Variants in RNF150 observed in about 807,000 individuals in gnomAD.
The protein encoded by RNF150 is ring finger protein 150.
In RNF150, 24 loss-of-function variants were observed where a neutral mutation model predicts 39.3. The ratio of observed to expected loss-of-function variants is 0.61; its 90% CI spans 0.44 to 0.86. The LOEUF (loss-of-function observed/expected upper bound fraction) is 0.86. RNF150 is among the 40% of genes least tolerant of loss of function. The probability of loss-of-function intolerance (pLI) is 0.00; values close to 1 mark genes in which losing one functional copy is unlikely to be tolerated. For synonymous variants in RNF150, 255 were observed against 227.3 expected (o/e 1.12, Z -1.10); for missense variants, 502 against 587.8 (o/e 0.85, Z 1.51).
Position 141,116,517 on chromosome 4 carries a change from C to T in RNF150, c.484+15808G>A, listed in dbSNP as rs138655075. Among the ~76,000 whole-genome samples, 1,099 of 152,202 alleles carry T rather than the reference C, an allele frequency of 7.2e-3. 16 individuals are homozygous for T. The highest frequency in any genetic ancestry group is 0.025 in the African/African-American group (1,018 of 41,520). ...AGATGCTGGAGAGGATGTGGAGAAA[C>T]AGGAATGCTTTTACACTGTTGGTGG... On this transcript the variant is annotated intron_variant, in intron 1 of 6. Coordinates refer to ENST00000515673, the MANE Select transcript of RNF150 (RefSeq NM_020724.2).
At chr4:141,121,411 C>G (rs990508021) in intron 1 of RNF150, among the ~76,000 whole-genome samples, 1 of 152,198 alleles carries the variant, frequency 6.6e-6, no homozygotes, top group African/African-American at 2.4e-5. Flanking sequence ...GCCTCCCAAA[C>G]TGGGTAGTAA....
intron 1 of RNF150, among the ~76,000 whole-genome samples, chr4:141,156,675 C>T (rs967645188): frequency 6.8e-6 from 1 of 148,042 alleles, no homozygotes; most frequent in Admixed American, 6.9e-5. Flanking sequence ...GGGCAGATCG[C>T]CTGAGATCAG....
chr4:140,962,958 T>C (rs909497740), intron 2 of RNF150, among the ~76,000 whole-genome samples: 6 of 151,898 alleles, frequency 4.0e-5, no homozygotes, highest in African/African-American at 1.4e-4. Flanking sequence ...AAAACATACA[T>C]GGATATGTTT....
intron 1 of RNF150, among the ~76,000 whole-genome samples, chr4:141,140,025 A>G (rs1160308779): frequency 3.3e-5 from 5 of 152,122 alleles, no homozygotes; most frequent in East Asian, 1.9e-4. Context: ...TTTTCTTAGC[A>G]TTGGTGGTGG....
At chr4:140,928,829 A>C (rs974134230) in intron 4 of RNF150, among the ~76,000 whole-genome samples, 3 of 152,154 alleles carry the variant, frequency 2.0e-5, no homozygotes, top group African/African-American at 7.2e-5. Flanking sequence ...TACAGGCGTG[A>C]GCCACCGCGC....
At chr4:141,098,366 C>A (rs1302128959) in intron 1 of RNF150, among the ~76,000 whole-genome samples, 4 of 152,210 alleles carry the variant, frequency 2.6e-5, no homozygotes, top group Non-Finnish European at 5.9e-5. Flanking sequence ...TCAGACATCC[C>A]TGGGACAGTC....
intron 6 of RNF150, among the ~76,000 whole-genome samples, chr4:140,888,488 T>G (rs1384682801): frequency 6.6e-6 from 1 of 152,226 alleles, no homozygotes; most frequent in Non-Finnish European, 1.5e-5. Flanking sequence ...TTTCAGCTCT[T>G]TGTGTTTAGA....
At chr4:141,153,017 T>C (rs528821358) in intron 1 of RNF150, among the ~76,000 whole-genome samples, 2 of 152,314 alleles carry the variant, frequency 1.3e-5, no homozygotes, top group African/African-American at 4.8e-5. Context: ...CAGAAGGGTA[T>C]TCCCAGGAAT....
chr4:140,892,781 CT>C (rs2099657291), intron 6 of RNF150, among the ~76,000 whole-genome samples: 1 of 151,666 alleles, frequency 6.6e-6, no homozygotes, highest in Admixed American at 6.5e-5. Flanking sequence ...TCTGTGGAGG[CT>C]GGTGTAGTGT....
chr4:141,199,207 A>G (rs1293849011), intron 1 of RNF150, among the ~76,000 whole-genome samples: 1 of 152,140 alleles, frequency 6.6e-6, no homozygotes, highest in Non-Finnish European at 1.5e-5. Flanking sequence ...AAAAAACACA[A>G]ACCAACAATA....
intron 5 of RNF150, among the ~76,000 whole-genome samples, chr4:140,921,156 T>C (rs1731115475): frequency 2.3e-5 from 3 of 130,454 alleles, no homozygotes; most frequent in Non-Finnish European, 3.2e-5. Flanking sequence ...ATTGTGCACA[T>C]GTACCCTAAA....
chr4:140,931,035 G>A (rs17006669), intron 4 of RNF150, among the ~76,000 whole-genome samples: 10,514 of 151,926 alleles, frequency 0.069, 422 homozygotes, highest in African/African-American at 0.1. Flanking sequence ...TATAGGTATG[G>A]GCTTCATGAG....
chr4:140,999,942 AAAGAAGAAGAAGAAGAAGAAGAAG>A (rs879391696), intron 1 of RNF150, among the ~76,000 whole-genome samples: 1 of 34,526 alleles, frequency 2.9e-5, no homozygotes, highest in African/African-American at 8.5e-5. Context: ...GGTCTCAAAA[AAAGAAGAAGAAGAAGAAGAAGAAG>A]AAGAAGAAGA....
chr4:140,871,254 C>T (rs1393646641), intron 6 of RNF150, among the ~76,000 whole-genome samples: 3 of 151,944 alleles, frequency 2.0e-5, no homozygotes, highest in Non-Finnish European at 4.4e-5. Flanking sequence ...TAGTACAGGG[C>T]CTCCTACATA....
chr4:140,875,162 C>CTTTTTTTTT (rs1560943059), intron 6 of RNF150, among the ~76,000 whole-genome samples: 1 of 141,616 alleles, frequency 7.1e-6, no homozygotes, highest in Non-Finnish European at 1.5e-5. Flanking sequence ...ACAATCATTA[C>CTTTTTTTTT]GTTTTTTTTT....
At chr4:141,010,558 ATCT>A (rs1054767179) in intron 1 of RNF150, among the ~76,000 whole-genome samples, 1 of 152,094 alleles carries the variant, frequency 6.6e-6, no homozygotes, top group African/African-American at 2.4e-5. Flanking sequence ...AATACTTTCT[ATCT>A]TCTTCTCTTC....
intron 1 of RNF150, among the ~76,000 whole-genome samples, chr4:141,096,407 A>C (rs1357383958): frequency 6.6e-6 from 1 of 151,932 alleles, no homozygotes; most frequent in Non-Finnish European, 1.5e-5. Flanking sequence ...CATGTTGGCC[A>C]GGCTGGTCTC....
At chr4:140,885,120 T>C (rs970493893) in intron 6 of RNF150, among the ~76,000 whole-genome samples, 3 of 152,028 alleles carry the variant, frequency 2.0e-5, no homozygotes, top group Admixed American at 6.6e-5. Flanking sequence ...ACAGTTTTTT[T>C]CAACATGGCT....
At chr4:140,957,439 C>T (rs528175393) in intron 2 of RNF150, among the ~76,000 whole-genome samples, 16 of 152,054 alleles carry the variant, frequency 1.1e-4, no homozygotes, top group East Asian at 1.9e-4. Flanking sequence ...AGGAACACTT[C>T]TACACTGTTG....
Sources: allele counts gnomAD v4.1 joint callset (sites outside exome capture counted in the v4.1 genomes callset), GRCh38; gene constraint gnomAD v4.1.1; transcripts MANE v1.5; gene names NCBI Gene and HGNC (gene_info 2026-07-23, HGNC 2026-07-21).